The following ITGBL1 variants were observed in gnomAD, a reference collection of about 807,000 sequenced individuals.
ITGBL1 encodes the protein integrin beta-like protein 1.
In ITGBL1, 51 loss-of-function variants were observed where a neutral mutation model predicts 68.5. That is an observed-to-expected ratio of 0.74 (90% confidence interval 0.59 to 0.94). The LOEUF (loss-of-function observed/expected upper bound fraction) is 0.94. Among genes scored for constraint, ITGBL1 ranks in the 40% least tolerant of loss-of-function variants. ITGBL1 has a pLI of 0.00. For missense variants in ITGBL1, 649 were observed against 647.4 expected (o/e 1.00, Z -0.03); for synonymous variants, 209 against 227.3 (o/e 0.92, Z 0.72).
intron 7 of ITGBL1, among the ~76,000 whole-genome samples, chr13:101,691,110 C>T (rs1379501028): frequency 1.3e-5 from 2 of 152,136 alleles, no homozygotes; most frequent in Admixed American, 1.3e-4. Flanking sequence ...GACGTTGTGC[C>T]TTTGCTTTCA....
intron 2 of ITGBL1, among the ~76,000 whole-genome samples, chr13:101,531,993 C>T (rs2049490696): frequency 6.6e-6 from 1 of 152,006 alleles, no homozygotes; most frequent in African/African-American, 2.4e-5. Context: ...CTCGGCCTCC[C>T]AAAGTGCTGG....
At chr13:101,620,599 C>A (rs2031543333) in intron 7 of ITGBL1, among the ~76,000 whole-genome samples, 1 of 152,102 alleles carries the variant, frequency 6.6e-6, no homozygotes, top group Admixed American at 6.6e-5. Context: ...TGGTACCCCA[C>A]TAATAGCAAA....
chr13:101,572,547 A>C (rs1273040394), intron 3 of ITGBL1, among the ~76,000 whole-genome samples: 1 of 152,248 alleles, frequency 6.6e-6, no homozygotes, highest in East Asian at 1.9e-4. Context: ...GACCAGTCCT[A>C]GAGGCTGAGT....
chr13:101,484,675 T>G (rs1324486609), intron 2 of ITGBL1, among the ~76,000 whole-genome samples: 1 of 152,128 alleles, frequency 6.6e-6, no homozygotes, highest in East Asian at 1.9e-4. Context: ...GGGTTTTTAG[T>G]GTAATCATCT....
chr13:101,569,160 G>C (rs1041053988), intron 3 of ITGBL1, among the ~76,000 whole-genome samples: 6 of 151,086 alleles, frequency 4.0e-5, no homozygotes, highest in African/African-American at 1.5e-4. Flanking sequence ...CTTTCATCTT[G>C]AAAAAATTAT....
chr13:101,530,611 T>C (rs1299133690), intron 2 of ITGBL1, among the ~76,000 whole-genome samples: 3 of 152,234 alleles, frequency 2.0e-5, no homozygotes, highest in Non-Finnish European at 2.9e-5. Flanking sequence ...TTTCTTGTAA[T>C]AGAAATCAGT....
chr13:101,471,082 T>G (rs1247073704), intron 2 of ITGBL1, among the ~76,000 whole-genome samples: 1 of 152,222 alleles, frequency 6.6e-6, no homozygotes, highest in African/African-American at 2.4e-5. Context: ...ATTAAATCTC[T>G]TTTCTGAATT....
intron 2 of ITGBL1, among the ~76,000 whole-genome samples, chr13:101,493,254 T>C (rs950529530): frequency 3.3e-5 from 5 of 152,146 alleles, no homozygotes; most frequent in African/African-American, 1.2e-4. Context: ...TGCTTTTTTG[T>C]CTTTCATCCT....
intron 2 of ITGBL1, among the ~76,000 whole-genome samples, chr13:101,476,698 G>T (rs1308267445): frequency 2.0e-5 from 3 of 152,074 alleles, no homozygotes; most frequent in African/African-American, 7.2e-5. Flanking sequence ...AGCAGGAATA[G>T]CTATACTTAT....
intron 8 of ITGBL1, among the ~76,000 whole-genome samples, chr13:101,697,031 T>C (rs892402396): frequency 5.0e-5 from 7 of 138,906 alleles, no homozygotes; most frequent in African/African-American, 2.0e-4. Context: ...AAGGAAAATA[T>C]CGATTTCATT....
chr13:101,585,218 G>A (rs987657486), intron 6 of ITGBL1, among the ~76,000 whole-genome samples: 1 of 152,076 alleles, frequency 6.6e-6, no homozygotes, highest in Non-Finnish European at 1.5e-5. Flanking sequence ...AAATGTTGGT[G>A]CCATTTACTG....
At chr13:101,671,628 C>T (rs1024205740) in intron 7 of ITGBL1, among the ~76,000 whole-genome samples, 1 of 150,008 alleles carries the variant, frequency 6.7e-6, no homozygotes, top group Non-Finnish European at 1.5e-5. Context: ...TTAGTAGAGG[C>T]GGGGTTTCAC....
chr13:101,675,444 G>T (rs866940043), intron 7 of ITGBL1, among the ~76,000 whole-genome samples: 1 of 152,216 alleles, frequency 6.6e-6, no homozygotes. Context: ...CCAAGACAAA[G>T]ATTTAAGTAA....
chr13:101,623,633 A>C (rs1281915435), intron 7 of ITGBL1, among the ~76,000 whole-genome samples: 1 of 152,230 alleles, frequency 6.6e-6, no homozygotes, highest in Non-Finnish European at 1.5e-5. Flanking sequence ...GAGGACAGGC[A>C]GTGGGTTCAC....
intron 7 of ITGBL1, among the ~76,000 whole-genome samples, chr13:101,608,066 A>C (rs1030771196): frequency 6.6e-6 from 1 of 152,060 alleles, no homozygotes. Flanking sequence ...ATACACCCCC[A>C]TAAGGGAAGG....
chr13:101,464,911 A>T (rs1209061264), intron 2 of ITGBL1, among the ~76,000 whole-genome samples: 1 of 152,178 alleles, frequency 6.6e-6, no homozygotes, highest in East Asian at 1.9e-4. Flanking sequence ...GACACTCTTG[A>T]TATAAAGGTT....
Position 101,645,391 on chromosome 13 carries a change from A to G in ITGBL1, c.1015+47092A>G, listed in dbSNP as rs149450137. On this transcript the variant is annotated intron_variant, in intron 7 of 10. Transcript: ENST00000376180. ...TCAGTGGCTTCTGTTTCTTTTTCAT[A>G]CAATTATATTTCATTGACTTTGATT... 1.3e-4 allele frequency among the ~76,000 whole-genome samples: 20 copies of G among 152,272 alleles called. No individual in the cohort carries two copies. The East Asian group carries it at 3.7e-3, about 28-fold the overall frequency.
In ITGBL1 at chr13:101,567,759, G is replaced by T; in HGVS notation, c.377G>T (p.Cys126Phe). Residue 126 changes from cysteine (C) to phenylalanine (F), a missense_variant, in exon 3 of 11, where the codon TGC becomes TTC. Transcript: ENST00000376180. ...GACCAGGGATGGTATGGGGATGCTT[G>T]CCAGTACCCAACTAACTGTGACTTG... is the stretch of plus-strand genomic sequence containing the variant. ...KCDQGWYGDA[C>F]QYPTNCDLTK... 6.2e-7 allele frequency: 1 copy of T among 1,613,348 alleles called. No individual in the cohort carries two copies. The highest frequency in any genetic ancestry group is 8.5e-7 in the Non-Finnish European group (1 of 1,179,438).
intron 7 of ITGBL1, among the ~76,000 whole-genome samples, chr13:101,659,141 C>A (rs2033015580): frequency 7.0e-6 from 1 of 143,628 alleles, no homozygotes; most frequent in Non-Finnish European, 1.5e-5. Context: ...CTCACTGCAA[C>A]CTCTGCCTCC....
Sources: allele counts gnomAD v4.1 joint callset (sites outside exome capture counted in the v4.1 genomes callset), GRCh38; gene constraint gnomAD v4.1.1; transcripts MANE v1.5; gene names NCBI Gene and HGNC (gene_info 2026-07-23, HGNC 2026-07-21).